ETFDH: variants seen among roughly 807,000 people sequenced by gnomAD.
ETFDH encodes electron transfer flavoprotein-ubiquinone oxidoreductase, mitochondrial.
In ETFDH, 61 loss-of-function variants were observed where a neutral mutation model predicts 73.2. That is an observed-to-expected ratio of 0.83 (90% CI 0.68 to 1.03). The LOEUF (loss-of-function observed/expected upper bound fraction) is 1.03. Ranked by LOEUF, ETFDH falls within the 50% of genes least tolerant of loss-of-function variation. The pLI is 0.00. For synonymous variants in ETFDH, 243 were observed against 253.3 expected, an observed-to-expected ratio of 0.96 and a Z score of 0.39; for missense variants, 685 against 745.0, an observed-to-expected ratio of 0.92 and a Z score of 0.94.
chr4:158,693,794 A>C (rs781749442), intron 6 of ETFDH, among the ~76,000 whole-genome samples: 12 of 152,220 alleles, frequency 7.9e-5, no homozygotes, highest in Non-Finnish European at 1.5e-4. Flanking sequence ...TTTATACCAA[A>C]GTATACTATA....
chr4:158,680,219 A>G (rs937885453), intron 1 of ETFDH: 28 of 405,092 alleles, frequency 6.9e-5, no homozygotes, highest in South Asian at 5.4e-4. Context: ...CAAAGTGTTC[A>G]GCTTTCATGA....
intron 10 of ETFDH, among the ~76,000 whole-genome samples, chr4:158,705,567 T>G (rs1774587202): frequency 6.6e-6 from 1 of 152,200 alleles, no homozygotes; most frequent in South Asian, 2.1e-4. Flanking sequence ...ATTATGAAAT[T>G]TCTTCACTCT....
chr4:158,675,598 G>A (rs565948748), intron 1 of ETFDH, among the ~76,000 whole-genome samples: 1 of 152,038 alleles, frequency 6.6e-6, no homozygotes, highest in East Asian at 1.9e-4. Context: ...GAGACTGCTT[G>A]TCTACAAAAA....
intron 5 of ETFDH, among the ~76,000 whole-genome samples, chr4:158,689,758 G>A (rs1266975901): frequency 6.6e-6 from 1 of 150,918 alleles, no homozygotes; most frequent in Non-Finnish European, 1.5e-5. Flanking sequence ...TATCCAGCGA[G>A]CATTTTCCTC....
Position 158,697,706 on chromosome 4 carries a change from T to A in ETFDH, c.972+7T>A, listed in dbSNP as rs1580414056. ...AGTAGCTCTTGGTCTTGTGGTAAGT[T>A]ATATTCCCATTAGGGAAAATTCTGC... On this transcript the variant is annotated splice_region_variant and intron_variant, in intron 8 of 12. Transcript: ENST00000511912. 1 of 1,612,512 alleles carries A rather than the reference T, an allele frequency of 6.2e-7. No homozygotes were observed. Among genetic ancestry groups the A allele is most frequent in the Non-Finnish European group, 8.5e-7 (1 of 1,178,492 alleles).
At position 158,689,636 on chromosome 4, in the gene ETFDH, A is replaced by ATATATATATATATATATATATT. The variant is rs765147554; in HGVS notation, c.607-711_607-710insATATATATATATATATATATTT. ...TATATATATATATATATATATATAT[A>ATATATATATATATATATATATT]TTGTGGGGGGGTGGGTTCATATCCA... On this transcript the variant is annotated intron_variant, in intron 5 of 12. Coordinates refer to ENST00000511912, the MANE Select transcript of ETFDH (RefSeq NM_004453.4). 3.1e-4 allele frequency among the ~76,000 whole-genome samples: 20 copies of ATATATATATATATATATATATT among 63,666 alleles called. 3 individuals are homozygous for ATATATATATATATATATATATT. Among genetic ancestry groups the ATATATATATATATATATATATT allele is most frequent in the East Asian group, 5.2e-4 (1 of 1,940 alleles). 41.8% of individuals were successfully genotyped at this position (63,666 alleles called of 152,430 possible).
At chr4:158,684,694 A>G (rs1176601916) in intron 4 of ETFDH, 21 bp downstream of exon 4, 1 of 1,241,748 alleles carries the variant, frequency 8.1e-7, no homozygotes, top group Non-Finnish European at 1.2e-6. Context: ...GTGAATATGC[A>G]TAGAACTATG....
Position 158,708,317 on chromosome 4 carries a change from A to C in ETFDH, c.1691-47A>C. The C allele has an allele frequency of 2.7e-6, 4 of 1,464,258 alleles. No homozygotes were observed. The South Asian group carries it at 3.6e-5, about 13-fold the overall frequency. The allele number at this position is 1,464,258 out of a possible 1,614,324, so 90.7% of individuals were successfully genotyped here. The stretch of plus-strand genomic sequence containing the variant: ...TTAATTTTTACTTTTGAATTTAAAA[A>C]TTTTTTAAAGTTAGGCACTTCAATA... On this transcript the variant is annotated intron_variant, in intron 12 of 12. Coordinates refer to ENST00000511912, the MANE Select transcript of ETFDH (RefSeq NM_004453.4).
intron 11 of ETFDH, 44 bp downstream of exon 11, chr4:158,706,415 A>C: frequency 6.9e-7 from 1 of 1,439,260 alleles, no homozygotes; most frequent in Non-Finnish European, 9.8e-7. Context: ...TTAAAAATTC[A>C]TGAATGGGAT....
At chr4:158,684,170 A>G (rs760109790) in intron 3 of ETFDH, among the ~76,000 whole-genome samples, 13 of 152,182 alleles carry the variant, frequency 8.5e-5, no homozygotes, top group Non-Finnish European at 1.9e-4. Context: ...CGGATGGATG[A>G]CTTGAGGTCA....
intron 1 of ETFDH, among the ~76,000 whole-genome samples, chr4:158,673,519 T>C (rs1020997971): frequency 6.6e-5 from 10 of 152,248 alleles, no homozygotes; most frequent in Non-Finnish European, 1.3e-4. Context: ...GTTTTGGTGA[T>C]AGAATCATTA....
chr4:158,697,845 C>A, intron 8 of ETFDH, 146 bp downstream of exon 8: 1 of 745,112 alleles, frequency 1.3e-6, no homozygotes, highest in Non-Finnish European at 2.3e-6. Flanking sequence ...GTGCTTATGG[C>A]TGCTGTGTCA....
At chr4:158,698,764 T>G (rs1774377783) in intron 8 of ETFDH, among the ~76,000 whole-genome samples, 1 of 152,206 alleles carries the variant, frequency 6.6e-6, no homozygotes, top group Admixed American at 6.5e-5. Flanking sequence ...TTCTCATAAT[T>G]TTGATGATAA....
chr4:158,689,521 G>A (rs1245561404), intron 5 of ETFDH, among the ~76,000 whole-genome samples: 1 of 146,648 alleles, frequency 6.8e-6, no homozygotes, highest in Non-Finnish European at 1.5e-5. Context: ...GGTACACTGA[G>A]CCAAACTTCA....
chr4:158,699,472 A>G (rs557432664), intron 9 of ETFDH, among the ~76,000 whole-genome samples: 4 of 152,206 alleles, frequency 2.6e-5, no homozygotes, highest in Non-Finnish European at 5.9e-5. Flanking sequence ...CAGGAGGCTG[A>G]GACAGGAGAA....
chr4:158,691,958 T>C (rs1774176537), intron 6 of ETFDH, among the ~76,000 whole-genome samples: 2 of 152,228 alleles, frequency 1.3e-5, no homozygotes, highest in African/African-American at 4.8e-5. Flanking sequence ...TTCTAGTGCC[T>C]GGCATAATGC....
Position 158,708,530 on chromosome 4 carries a change from T to C in ETFDH, c.*3T>C, listed in dbSNP as rs1774705624. ...GACCTGCTTACAATGGAATGTAAAC[T>C]GCAGCTAGCCAGTTTCTTTCAAGTA... On this transcript the variant is annotated 3_prime_UTR_variant, in exon 13 of 13. Coordinates refer to ENST00000511912, the MANE Select transcript of ETFDH (RefSeq NM_004453.4). 4.3e-6 allele frequency: 7 copies of C among 1,611,786 alleles called. No homozygotes were observed. The highest frequency in any genetic ancestry group is 4.2e-6 in the Non-Finnish European group (5 of 1,177,856).
At chr4:158,697,435 A>C (rs1774336713) in intron 7 of ETFDH, 124 bp from the exon 8 acceptor site, 1 of 823,352 alleles carries the variant, frequency 1.2e-6, no homozygotes, top group Non-Finnish European at 1.9e-6. Context: ...TTCTTATATC[A>C]CAGTTTTTCA....
At chr4:158,705,511 G>T (rs555362561) in intron 10 of ETFDH, among the ~76,000 whole-genome samples, 2 of 152,278 alleles carry the variant, frequency 1.3e-5, no homozygotes, top group Admixed American at 6.5e-5. Flanking sequence ...CTATTTTGGG[G>T]GGACATATTT....
Sources: allele counts gnomAD v4.1 joint callset (sites outside exome capture counted in the v4.1 genomes callset), GRCh38; gene constraint gnomAD v4.1.1; transcripts MANE v1.5; gene names NCBI Gene and HGNC (gene_info 2026-07-23, HGNC 2026-07-21).